Variants in AKNAD1 observed in about 807,000 individuals in gnomAD.
AKNAD1 encodes the protein AKNA domain containing 1.
A neutral mutation model predicts 90.8 loss-of-function variants in AKNAD1; 67 were observed. The ratio of observed to expected loss-of-function variants is 0.74; its 90% CI spans 0.61 to 0.90. The LOEUF (loss-of-function observed/expected upper bound fraction) is 0.90, where lower values mean the gene tolerates loss of function less well. AKNAD1 is among the 40% of genes least tolerant of loss of function. AKNAD1 has a pLI of 0.00. For missense variants in AKNAD1, 957 were observed against 975.4 expected (o/e 0.98, Z 0.25); for synonymous variants, 327 against 341.4 (o/e 0.96, Z 0.46).
chr1:108,835,934 A>G (rs761498758), intron 7 of AKNAD1, among the ~76,000 whole-genome samples: 22 of 152,154 alleles, frequency 1.4e-4, no homozygotes, highest in Non-Finnish European at 2.2e-4. Context: ...TAATTTGTTA[A>G]GTATATGTCT....
chr1:108,839,431 C>G (rs1664471350), intron 6 of AKNAD1, among the ~76,000 whole-genome samples: 1 of 137,344 alleles, frequency 7.3e-6, no homozygotes, highest in Non-Finnish European at 1.5e-5. Context: ...CAAGATCGCG[C>G]CACTGCACTC....
At chr1:108,855,960 T>TCCTCCCTTAG (rs1464738931) in intron 1 of AKNAD1, among the ~76,000 whole-genome samples, 1 of 150,912 alleles carries the variant, frequency 6.6e-6, no homozygotes, top group Non-Finnish European at 1.5e-5. Flanking sequence ...CAACTGATCT[T>TCCTCCCTTAG]CCTCCCTTAG....
intron 13 of AKNAD1, among the ~76,000 whole-genome samples, chr1:108,822,547 G>C (rs1381626507): frequency 6.6e-6 from 1 of 152,130 alleles, no homozygotes; most frequent in Non-Finnish European, 1.5e-5. Context: ...GGGGAGGGGA[G>C]ACACAGCTGA....
At chr1:108,828,017 C>A (rs1241301965) in intron 10 of AKNAD1, among the ~76,000 whole-genome samples, 2 of 151,226 alleles carry the variant, frequency 1.3e-5, no homozygotes, top group East Asian at 4.0e-4. Context: ...TTTGGGAGGC[C>A]AAGGAGGGTG....
rs755973832 is a variant in AKNAD1, at chr1:108,830,769, G to C, written c.1747-119C>G. On this transcript the variant is annotated intron_variant, in intron 9 of 15. Coordinates refer to ENST00000370001, the MANE Select transcript of AKNAD1 (RefSeq NM_152763.5). ...CTGAACTTGCCACCTCAGGCAGAGA[G>C]ACTCGCCAAACCTCTCCTCCAGTTG... 4 of 900,132 alleles carry C rather than the reference G, an allele frequency of 4.4e-6. No individual in the cohort carries two copies. In the African/African-American group the frequency reaches 6.6e-5, roughly 15 times the overall value. 55.8% of individuals were successfully genotyped at this position (900,132 alleles called of 1,614,324 possible). A position where few individuals can be genotyped will look rare whatever the true frequency, so the allele number is the denominator to read the frequency against.
In AKNAD1 at chr1:108,854,712, C is replaced by T. The variant is rs539092650; in HGVS notation, c.-103-1945G>A. Among the ~76,000 whole-genome samples the T allele has an allele frequency of 6.6e-5, 10 of 152,266 alleles. No individual in the cohort carries two copies. In the South Asian group the frequency reaches 1.9e-3, roughly 28 times the overall value. The stretch of plus-strand genomic sequence containing the variant: ...GGGTAACATTTAGTATAAAGTGAGG[C>T]ATGTCTTCATGAGAAGAATTACAGG... On this transcript the variant is annotated intron_variant, in intron 1 of 15. Coordinates refer to ENST00000370001, the MANE Select transcript of AKNAD1 (RefSeq NM_152763.5).
rs141968711 is a variant in AKNAD1, at chr1:108,852,096, G to T, written c.569C>A (p.Thr190Lys). The change falls in exon 2 of 16, where the codon ACA becomes AAA. Residue 190 changes from threonine (T) to lysine (K), a missense_variant. Transcript: ENST00000370001. ...NSNKPGSATTTEENTSDLEGP... is the reference protein window; with the variant it reads ...NSNKPGSATTKEENTSDLEGP... ...TTCTAAATCAGAGGTATTTTCCTCT[G>T]TCGTGGTGGCAGAACCAGGCTTATT... 6.8e-4 allele frequency: 1,092 copies of T among 1,614,182 alleles called. 2 individuals are homozygous for T. The highest frequency in any genetic ancestry group is 8.5e-4 in the Non-Finnish European group (998 of 1,180,036).
At chr1:108,821,446 G>T (rs1663810307) in intron 13 of AKNAD1, among the ~76,000 whole-genome samples, 1 of 143,678 alleles carries the variant, frequency 7.0e-6, no homozygotes, top group Non-Finnish European at 1.5e-5. Context: ...GTGAGACTCT[G>T]TCTCAAAAAA....
chr1:108,849,849 T>G (rs1557837759), intron 2 of AKNAD1, among the ~76,000 whole-genome samples: 1 of 152,196 alleles, frequency 6.6e-6, no homozygotes, highest in East Asian at 1.9e-4. Flanking sequence ...GATGAAATGT[T>G]AAATATCTAC....
chr1:108,849,886 G>A (rs1664802640), intron 2 of AKNAD1, among the ~76,000 whole-genome samples: 1 of 152,312 alleles, frequency 6.6e-6, no homozygotes, highest in East Asian at 1.9e-4. Flanking sequence ...TGGTAAGCAT[G>A]TAACAATACA....
At chr1:108,840,470 T>C (rs1181515782) in intron 6 of AKNAD1, among the ~76,000 whole-genome samples, 2 of 152,234 alleles carry the variant, frequency 1.3e-5, no homozygotes, top group African/African-American at 4.8e-5. Context: ...ATAAATTCAA[T>C]ACATTCCTAA....
At position 108,820,608 on chromosome 1, in the gene AKNAD1, C is replaced by T. The variant is rs373934680; in HGVS notation, c.2186G>A (p.Arg729Gln). The change falls in exon 14 of 16, where the codon CGG becomes CAG. Residue 729 changes from arginine (R) to glutamine (Q), a missense_variant. Physicochemically the swap from Arg to Gln is conservative, Grantham distance 43 (BLOSUM62 1). Coordinates refer to ENST00000370001, the MANE Select transcript of AKNAD1 (RefSeq NM_152763.5). ...TGAATTCACTCTCTGAGAACAGATC[C>T]GTTTGGGTTTTAAAAAAGCTGAAAA... ...NSSPSFLKPK[R>Q]ICSQRVNSKS... is the part of the protein sequence containing the mutation. 3.9e-5 allele frequency: 62 copies of T among 1,609,252 alleles called. No homozygotes were observed. The highest frequency in any genetic ancestry group is 1.7e-4 in the South Asian group (15 of 90,242).
In AKNAD1 at chr1:108,834,346, C is replaced by T. The variant is rs533677675; in HGVS notation, c.1746+101G>A. The T allele has an allele frequency of 1.5e-5, 15 of 1,020,100 alleles. No homozygotes were observed. In the African/African-American group the frequency reaches 2.3e-4, roughly 15 times the overall value. 63.2% of individuals were successfully genotyped at this position (1,020,100 alleles called of 1,614,324 possible). On this transcript the variant is annotated intron_variant, in intron 9 of 15. Coordinates refer to ENST00000370001, the MANE Select transcript of AKNAD1 (RefSeq NM_152763.5). The stretch of plus-strand genomic sequence containing the variant: ...ATGCCATTAGGAAGAGGTAAGTGAT[C>T]TTGATTATGCCAATTTCACAGTCAC...
chr1:108,824,729 T>C (rs1053135636), intron 11 of AKNAD1, among the ~76,000 whole-genome samples: 5 of 151,484 alleles, frequency 3.3e-5, no homozygotes, highest in Non-Finnish European at 7.4e-5. Flanking sequence ...TGTTTTTATG[T>C]TTAAATATTG....
intron 6 of AKNAD1, among the ~76,000 whole-genome samples, chr1:108,841,226 T>C (rs1664543051): frequency 1.3e-5 from 2 of 151,892 alleles, no homozygotes; most frequent in African/African-American, 4.8e-5. Flanking sequence ...AATAAAATGA[T>C]GGAGCAAGGC....
chr1:108,830,451 T>C (rs1452813386), intron 10 of AKNAD1, 108 bp downstream of exon 10: 1 of 1,024,734 alleles, frequency 9.8e-7, no homozygotes. Context: ...TCTGTGACTC[T>C]ATAACTCAGC....
rs1040250699 is a variant in AKNAD1 at position 108,856,464 on chromosome 1, C to A, written c.-104+465G>T. On this transcript the variant is annotated intron_variant, in intron 1 of 15. Coordinates refer to ENST00000370001, the MANE Select transcript of AKNAD1 (RefSeq NM_152763.5). Reference sequence around the variant, plus strand: ...CCTGTAATCTCAGCACTTTGGGATGCCAAAACAGAAGGATTCCTTGAGGAC... The same window carrying A: ...CCTGTAATCTCAGCACTTTGGGATGACAAAACAGAAGGATTCCTTGAGGAC... Among the ~76,000 whole-genome samples, 4 of 151,938 alleles carry A rather than the reference C, an allele frequency of 2.6e-5. No individual in the cohort carries two copies. In the East Asian group the frequency reaches 5.8e-4, roughly 22 times the overall value.
chr1:108,836,302 G>C (rs1381105289), intron 7 of AKNAD1, among the ~76,000 whole-genome samples: 1 of 152,232 alleles, frequency 6.6e-6, no homozygotes, highest in Non-Finnish European at 1.5e-5. Context: ...TGGGTGCCTT[G>C]AGATGGGCTG....
chr1:108,835,224 C>T (rs1664345469), intron 7 of AKNAD1, among the ~76,000 whole-genome samples, 168 bp from the exon 8 acceptor site: 2 of 152,148 alleles, frequency 1.3e-5, no homozygotes, highest in African/African-American at 4.8e-5. Flanking sequence ...TCTCATCCTC[C>T]AAGACTCAGT....
Sources: allele counts gnomAD v4.1 joint callset (sites outside exome capture counted in the v4.1 genomes callset), GRCh38; gene constraint gnomAD v4.1.1; transcripts MANE v1.5; gene names NCBI Gene and HGNC (gene_info 2026-07-23, HGNC 2026-07-21).